The following CLASP2 variants were observed in gnomAD, a reference collection of about 807,000 sequenced individuals.
CLASP2 encodes CLIP-associating protein 2.
Under a neutral mutation model 194.4 loss-of-function variants are expected in CLASP2, and 47 were observed. That is an observed-to-expected ratio of 0.24 (90% CI 0.19 to 0.31). CLASP2 has a LOEUF of 0.31. CLASP2 is among the 10% of genes least tolerant of loss of function. The probability of loss-of-function intolerance (pLI) is 1.00; values close to 1 mark genes in which losing one functional copy is unlikely to be tolerated. For synonymous variants in CLASP2, 619 were observed against 633.5 expected, an observed-to-expected ratio of 0.98 and a Z score of 0.34; for missense variants, 1,445 against 1,823.6, an observed-to-expected ratio of 0.79 and a Z score of 3.78.
intron 1 of CLASP2, among the ~76,000 whole-genome samples, chr3:33,711,038 G>A (rs2092978738): frequency 6.6e-6 from 1 of 152,188 alleles, no homozygotes. Context: ...GGACCAAGGG[G>A]AGAGGAAAAG....
intron 13 of CLASP2, among the ~76,000 whole-genome samples, chr3:33,608,999 G>T (rs972982179): frequency 1.3e-5 from 2 of 152,022 alleles, no homozygotes; most frequent in Non-Finnish European, 2.9e-5. Context: ...AAACCTTAAG[G>T]CTGGGCGTTG....
At chr3:33,503,725 G>A (rs1002997610) in intron 37 of CLASP2, 2 of 152,114 alleles carry the variant, frequency 1.3e-5, no homozygotes, top group Non-Finnish European at 2.9e-5. Context: ...ACCGTGCCCG[G>A]CCTTTATGTT....
At chr3:33,654,278 A>G (rs1264210682) in intron 7 of CLASP2, among the ~76,000 whole-genome samples, 1 of 152,126 alleles carries the variant, frequency 6.6e-6, no homozygotes, top group African/African-American at 2.4e-5. Flanking sequence ...CATTTTACAC[A>G]CAAATGTGCA....
chr3:33,686,466 C>T (rs1236707098), intron 5 of CLASP2, among the ~76,000 whole-genome samples: 1 of 152,010 alleles, frequency 6.6e-6, no homozygotes, highest in Non-Finnish European at 1.5e-5. Context: ...ACTGTGCATG[C>T]GAGGGGATCT....
In CLASP2 at chr3:33,667,090, A is replaced by G. The variant is rs538091263; in HGVS notation, c.645-3575T>C. On this transcript the variant is annotated intron_variant, in intron 6 of 38. Coordinates refer to ENST00000682230, the MANE Select transcript of CLASP2 (RefSeq NM_001365631.1). ...ACTATTGAGTTGTAAAGAGCCCCTT[A>G]TAACAGTCAAGATACGTGTCTTAGA... Among the ~76,000 whole-genome samples, 7 of 152,250 alleles carry G rather than the reference A, an allele frequency of 4.6e-5. No individual in the cohort carries two copies. The South Asian group carries it at 6.2e-4, about 14-fold the overall frequency.
intron 37 of CLASP2, among the ~76,000 whole-genome samples, chr3:33,507,262 T>G (rs1233768468): frequency 6.6e-6 from 1 of 151,966 alleles, no homozygotes; most frequent in Non-Finnish European, 1.5e-5. Context: ...TTGAGACTCT[T>G]TAACAGTTGA....
chr3:33,613,563 A>T (rs2075583951), intron 12 of CLASP2, among the ~76,000 whole-genome samples: 1 of 152,260 alleles, frequency 6.6e-6, no homozygotes, highest in Non-Finnish European at 1.5e-5. Context: ...CAACCAAAAT[A>T]AATGAAAACC....
chr3:33,672,758 G>C (rs1294145069), intron 6 of CLASP2, among the ~76,000 whole-genome samples: 2 of 152,206 alleles, frequency 1.3e-5, no homozygotes, highest in Admixed American at 6.5e-5. Flanking sequence ...GGAGCTGATG[G>C]AGCTGAAAGC....
intron 25 of CLASP2, 84 bp downstream of exon 25, chr3:33,573,026 G>A (rs372301307): frequency 1.4e-6 from 2 of 1,476,502 alleles, no homozygotes; most frequent in African/African-American, 1.4e-5. Flanking sequence ...TTCTACACCA[G>A]TATCTCTAAA....
rs2059316254 is a variant in CLASP2 at position 33,547,384 on chromosome 3, CT to C, written c.3154-2544del. Among the ~76,000 whole-genome samples the C allele has an allele frequency of 2.0e-5, 3 of 152,204 alleles. No individual in the cohort carries two copies. In the South Asian group the frequency reaches 6.2e-4, roughly 31 times the overall value. ...CTTGACTTCTGCCATGATTGTGAGG[CT>C]TCCTGAGCCACATGAAACTGTAAGT... On this transcript the variant is annotated intron_variant, in intron 30 of 38. Coordinates refer to ENST00000682230, the MANE Select transcript of CLASP2 (RefSeq NM_001365631.1).
chr3:33,560,801 AT>A lies in CLASP2; in HGVS notation c.2930+6del. The A allele has an allele frequency of 1.2e-6, 2 of 1,611,252 alleles. No homozygotes were observed. The highest frequency in any genetic ancestry group is 1.7e-6 in the Non-Finnish European group (2 of 1,178,748). On this transcript the variant is annotated splice_donor_region_variant and intron_variant, in intron 28 of 38. Coordinates refer to ENST00000682230, the MANE Select transcript of CLASP2 (RefSeq NM_001365631.1). ...GGTTAACTTGAAATATATGAAAAAA[AT>A]ATTACCTTGTAACATCAAGGGCTTT...
chr3:33,622,205 C>T lies in CLASP2; in HGVS notation c.1111G>A (p.Asp371Asn). 6.2e-7 allele frequency: 1 copy of T among 1,604,944 alleles called. No individual in the cohort carries two copies. Among genetic ancestry groups the T allele is most frequent in the Non-Finnish European group, 8.5e-7 (1 of 1,175,632 alleles). Residue 371 changes from aspartate (D) to asparagine (N), a missense_variant, in exon 11 of 39, where the codon GAT becomes AAT. Transcript: ENST00000682230. Reference protein sequence around the residue: ...DCFFQHLRLLDGALKLSAKDL... With the variant: ...DCFFQHLRLLNGALKLSAKDL... ...TTAGCTGAAAGTTTAAGTGCTCCAT[C>T]CAACAATCGTAAATGTTGAAAAAAG...
At chr3:33,540,113 A>G (rs1410167453) in intron 32 of CLASP2, among the ~76,000 whole-genome samples, 2 of 151,818 alleles carry the variant, frequency 1.3e-5, no homozygotes, top group African/African-American at 4.8e-5. Flanking sequence ...TATTTTTAGT[A>G]GAGATGGGGT....
intron 11 of CLASP2, among the ~76,000 whole-genome samples, chr3:33,621,353 G>C (rs776062238): frequency 6.6e-6 from 1 of 152,128 alleles, no homozygotes; most frequent in Non-Finnish European, 1.5e-5. Context: ...ATGGGTTTTT[G>C]TATTAATTTG....
intron 2 of CLASP2, among the ~76,000 whole-genome samples, chr3:33,695,557 C>A (rs908723611): frequency 6.6e-6 from 1 of 151,870 alleles, no homozygotes. Context: ...AGGTAGCATA[C>A]CAAACATGAA....
chr3:33,689,989 C>T, intron 2 of CLASP2, 57 bp from the exon 3 acceptor site: 1 of 1,146,152 alleles, frequency 8.7e-7, no homozygotes, highest in South Asian at 1.8e-5. Flanking sequence ...CCATTAAAAA[C>T]TATATTTTTC....
At chr3:33,550,730 C>T (rs912565530) in intron 30 of CLASP2, among the ~76,000 whole-genome samples, 2 of 151,816 alleles carry the variant, frequency 1.3e-5, no homozygotes, top group African/African-American at 2.4e-5. Context: ...AGCAAGCAGT[C>T]GCAAATCACT....
chr3:33,624,864 C>T (rs760959956), intron 10 of CLASP2, among the ~76,000 whole-genome samples: 1 of 151,950 alleles, frequency 6.6e-6, no homozygotes, highest in Non-Finnish European at 1.5e-5. Flanking sequence ...TTAAAAGTTA[C>T]TAGTGATAAA....
chr3:33,715,847 T>TAAAAAAA (rs59528446), intron 1 of CLASP2, among the ~76,000 whole-genome samples: 2 of 62,170 alleles, frequency 3.2e-5, no homozygotes, highest in Non-Finnish European at 5.7e-5. Context: ...GTATCTTAAG[T>TAAAAAAA]AAAAAAAAAA....
Sources: allele counts gnomAD v4.1 joint callset (sites outside exome capture counted in the v4.1 genomes callset), GRCh38; gene constraint gnomAD v4.1.1; transcripts MANE v1.5; gene names NCBI Gene and HGNC (gene_info 2026-07-23, HGNC 2026-07-21).